The following HTR2C variants were observed in gnomAD, a reference collection of about 807,000 sequenced individuals.
HTR2C encodes the protein 5-hydroxytryptamine (serotonin) receptor 2C, G protein-coupled.
Under a neutral mutation model 21.0 loss-of-function variants are expected in HTR2C, and 5 were observed. The observed-to-expected ratio is 0.24, with a 90% CI of 0.12 to 0.50. The LOEUF (loss-of-function observed/expected upper bound fraction) is 0.50. Ranked by LOEUF, HTR2C falls within the 20% of genes least tolerant of loss-of-function variation. The pLI, the probability that HTR2C is intolerant of heterozygous loss-of-function variation, is 0.98. For missense variants in HTR2C, 271 were observed against 371.2 expected (o/e 0.73, Z 2.22); for synonymous variants, 150 against 145.3 (o/e 1.03, Z -0.23).
At chrX:114,685,533 C>T (rs1931885012) in intron 2 of HTR2C, among the ~76,000 whole-genome samples, 1 of 111,798 alleles carries the variant, frequency 8.9e-6, no homozygotes. Flanking sequence ...TGCTGATACA[C>T]CTTTCAGAAA....
intron 2 of HTR2C, among the ~76,000 whole-genome samples, chrX:114,658,896 C>G (rs1423091170): frequency 9.0e-6 from 1 of 111,463 alleles, no homozygotes. Context: ...TTCAAAATAT[C>G]TCCCTCAAGT....
At chrX:114,743,316 G>A (rs1250658095) in intron 4 of HTR2C, among the ~76,000 whole-genome samples, 16 of 110,815 alleles carry the variant, frequency 1.4e-4, no homozygotes, top group African/African-American at 5.3e-4. Context: ...CTGACTTCCT[G>A]TTGGTGGGAC....
intron 5 of HTR2C, among the ~76,000 whole-genome samples, chrX:114,883,360 T>A (rs893308136): frequency 1.8e-5 from 2 of 110,614 alleles, no homozygotes; most frequent in Non-Finnish European, 3.8e-5. Flanking sequence ...CTTGTTGAGC[T>A]TTTCAAGAGT....
chrX:114,590,257 G>T (rs932984159), intron 1 of HTR2C, among the ~76,000 whole-genome samples: 2 of 111,907 alleles, frequency 1.8e-5, no homozygotes, highest in Admixed American at 1.9e-4. Context: ...CTTTTTAAAA[G>T]TAGGTTTTTA....
chrX:114,598,503 A>G (rs909971543), intron 1 of HTR2C, among the ~76,000 whole-genome samples: 28 of 111,629 alleles, frequency 2.5e-4, no homozygotes, highest in African/African-American at 9.1e-4. Flanking sequence ...AATGATGCCA[A>G]TAGAAATATG....
chrX:114,656,583 C>G (rs782102107), intron 2 of HTR2C, among the ~76,000 whole-genome samples: 2 of 110,982 alleles, frequency 1.8e-5, no homozygotes, highest in South Asian at 7.4e-4. Context: ...GACAGAGAGT[C>G]TTTTTAAATG....
At chrX:114,621,766 G>A (rs1929174657) in intron 2 of HTR2C, among the ~76,000 whole-genome samples, 1 of 112,134 alleles carries the variant, frequency 8.9e-6, no homozygotes, top group South Asian at 3.7e-4. Context: ...GCAATGGATT[G>A]TGGCCTGAGA....
intron 2 of HTR2C, among the ~76,000 whole-genome samples, chrX:114,620,917 T>C (rs1556401576): frequency 1.8e-5 from 2 of 111,584 alleles, no homozygotes; most frequent in Non-Finnish European, 3.8e-5. Context: ...TCTTGCTCTG[T>C]AGCCCAGGTT....
chrX:114,879,872 C>T (rs1181889145), intron 5 of HTR2C, among the ~76,000 whole-genome samples: 1 of 110,697 alleles, frequency 9.0e-6, no homozygotes, highest in Non-Finnish European at 1.9e-5. Context: ...CATATTTTTG[C>T]AATTGCGAAT....
intron 1 of HTR2C, among the ~76,000 whole-genome samples, chrX:114,593,984 A>C (rs1235671504): frequency 8.9e-6 from 1 of 111,995 alleles, no homozygotes; most frequent in Non-Finnish European, 1.9e-5. Flanking sequence ...AGTGCCCTAC[A>C]TTTGAAATGA....
intron 5 of HTR2C, among the ~76,000 whole-genome samples, chrX:114,879,387 T>A (rs1362143285): frequency 4.5e-5 from 5 of 110,373 alleles, no homozygotes; most frequent in Non-Finnish European, 9.5e-5. Flanking sequence ...ATATTGTATG[T>A]GAGGAGCTTA....
chrX:114,695,781 A>G (rs1932261055), intron 2 of HTR2C, among the ~76,000 whole-genome samples: 2 of 111,992 alleles, frequency 1.8e-5, no homozygotes, highest in Non-Finnish European at 3.8e-5. Flanking sequence ...AGTTAATTGA[A>G]CAATACAGTT....
At chrX:114,605,047 C>G (rs2147798110) in intron 1 of HTR2C, among the ~76,000 whole-genome samples, 1 of 111,100 alleles carries the variant, frequency 9.0e-6, no homozygotes, top group Admixed American at 9.6e-5. Flanking sequence ...CTTTTAGGGT[C>G]TAGGGCTGTA....
At chrX:114,637,230 T>C (rs1929875721) in intron 2 of HTR2C, among the ~76,000 whole-genome samples, 1 of 111,373 alleles carries the variant, frequency 9.0e-6, no homozygotes, top group African/African-American at 3.3e-5. Context: ...AACTAACCAA[T>C]AGGAGCTGGA....
At chrX:114,718,828 G>A (rs1933072552) in intron 2 of HTR2C, among the ~76,000 whole-genome samples, 1 of 106,324 alleles carries the variant, frequency 9.4e-6, no homozygotes, top group African/African-American at 3.4e-5. Flanking sequence ...TTCTGGACAC[G>A]AAATTATAAA....
At chrX:114,803,266 C>G (rs1556447587) in intron 4 of HTR2C, among the ~76,000 whole-genome samples, 1 of 55,244 alleles carries the variant, frequency 1.8e-5, no homozygotes, top group Admixed American at 2.9e-4. Context: ...ATGGCTGGGT[C>G]AAATGGCATT....
intron 5 of HTR2C, among the ~76,000 whole-genome samples, chrX:114,888,712 T>C (rs782006080): frequency 8.9e-6 from 1 of 112,037 alleles, no homozygotes; most frequent in South Asian, 3.7e-4. Flanking sequence ...TTTCTTCATA[T>C]TTTGCATGTC....
In HTR2C at chrX:114,892,961, G is replaced by A. The variant is rs1416911232; in HGVS notation, c.551-13628G>A. ...GGAGTCTCACTCTGTTGCCCAGGCT[G>A]GAATGCAGTGGCATGATCTTGGTTC... is the stretch of plus-strand genomic sequence containing the variant. On this transcript the variant is annotated intron_variant, in intron 5 of 5. Coordinates refer to ENST00000276198, the MANE Select transcript of HTR2C (RefSeq NM_000868.4). Among the ~76,000 whole-genome samples, 7 of 107,034 alleles carry A rather than the reference G, an allele frequency of 6.5e-5. No individual in the cohort carries two copies. In the East Asian group the frequency reaches 2.0e-3, roughly 31 times the overall value. The allele number at this position is 107,034 out of a possible 115,157, so 92.9% of individuals were successfully genotyped here.
intron 3 of HTR2C, among the ~76,000 whole-genome samples, chrX:114,730,008 A>G (rs924161850): frequency 8.9e-6 from 1 of 112,048 alleles, no homozygotes; most frequent in South Asian, 3.7e-4. Flanking sequence ...GCTGTTTAAC[A>G]TTAATTAAAT....
Sources: gnomAD v4.1 joint callset for allele counts (sites outside exome capture counted in the v4.1 genomes callset) on GRCh38, gnomAD v4.1.1 for gene constraint, MANE v1.5 for transcripts, NCBI Gene and HGNC (gene_info 2026-07-23, HGNC 2026-07-21) for gene names.